AGPS: variants seen among roughly 807,000 people sequenced by gnomAD.
AGPS encodes alkyldihydroxyacetonephosphate synthase, peroxisomal.
AGPS carries 26 observed loss-of-function variants against 90.7 expected under a neutral mutation model. The ratio of observed to expected loss-of-function variants is 0.29; its 90% CI spans 0.21 to 0.40. AGPS has a LOEUF of 0.40. AGPS is among the 10% of genes least tolerant of loss of function. AGPS has a pLI of 1.00. For missense variants in AGPS, 540 were observed against 816.1 expected, an observed-to-expected ratio of 0.66 and a Z score of 4.12; for synonymous variants, 294 against 285.3, an observed-to-expected ratio of 1.03 and a Z score of -0.31.
intron 17 of AGPS, among the ~76,000 whole-genome samples, chr2:177,519,116 T>C (rs1689105991): frequency 6.6e-6 from 1 of 152,212 alleles, no homozygotes; most frequent in African/African-American, 2.4e-5. Flanking sequence ...GTTTTTCTTA[T>C]TCCTGATGTC....
chr2:177,466,983 G>A (rs931721649), intron 9 of AGPS, among the ~76,000 whole-genome samples: 5 of 152,286 alleles, frequency 3.3e-5, no homozygotes, highest in East Asian at 1.9e-4. Context: ...TCAGGAATGC[G>A]TGGCTTTTGC....
chr2:177,407,947 C>G (rs1220425872), intron 1 of AGPS, among the ~76,000 whole-genome samples: 1 of 151,926 alleles, frequency 6.6e-6, no homozygotes, highest in African/African-American at 2.4e-5. Context: ...TGCCACCATG[C>G]CTGGTTATTA....
intron 10 of AGPS, among the ~76,000 whole-genome samples, chr2:177,470,643 A>G (rs1262035795): frequency 6.6e-6 from 1 of 150,748 alleles, no homozygotes. Context: ...GGCAGAGATT[A>G]CAGACTGCAG....
chr2:177,437,973 G>A (rs1171434581), intron 5 of AGPS, among the ~76,000 whole-genome samples: 1 of 152,168 alleles, frequency 6.6e-6, no homozygotes, highest in Non-Finnish European at 1.5e-5. Flanking sequence ...TTTATGAAAT[G>A]TCTTTCATCT....
chr2:177,509,621 A>G (rs1358977451), intron 16 of AGPS, among the ~76,000 whole-genome samples: 1 of 150,500 alleles, frequency 6.6e-6, no homozygotes, highest in African/African-American at 2.4e-5. Context: ...AGCCGAGATC[A>G]TGTCACTGCA....
intron 14 of AGPS, among the ~76,000 whole-genome samples, chr2:177,505,056 C>T (rs1688669971): frequency 6.6e-6 from 1 of 151,976 alleles, no homozygotes; most frequent in East Asian, 1.9e-4. Context: ...TGTTTTGTCT[C>T]TCATTTAAAT....
intron 11 of AGPS, among the ~76,000 whole-genome samples, chr2:177,484,881 C>CA (rs758181532): frequency 2.0e-5 from 3 of 152,130 alleles, no homozygotes; most frequent in Non-Finnish European, 2.9e-5. Flanking sequence ...CCTACCACCT[C>CA]AGCTTCCTGA....
Position 177,440,956 on chromosome 2 carries a change from T to C in AGPS, c.638-9T>C, listed in dbSNP as rs1482407712. On this transcript the variant is annotated splice_polypyrimidine_tract_variant and intron_variant, in intron 5 of 19. Transcript: ENST00000264167. ...TCTGTAATTAATTTATTTTCCCTTT[T>C]TTCAACAGCATGCCATGATGATGTA... 6.2e-7 allele frequency: 1 copy of C among 1,611,486 alleles called. No homozygotes were observed. Among genetic ancestry groups the C allele is most frequent in the South Asian group, 1.1e-5 (1 of 90,964 alleles).
chr2:177,397,282 A>C (rs1362451627), intron 1 of AGPS, among the ~76,000 whole-genome samples: 1 of 152,070 alleles, frequency 6.6e-6, no homozygotes, highest in African/African-American at 2.4e-5. Flanking sequence ...CATTATTTGA[A>C]GTTGCTGAGC....
At chr2:177,501,538 C>G (rs2105713866) in intron 14 of AGPS, among the ~76,000 whole-genome samples, 1 of 152,258 alleles carries the variant, frequency 6.6e-6, no homozygotes. Context: ...AAAGTGAATA[C>G]TATATTTTCC....
intron 8 of AGPS, among the ~76,000 whole-genome samples, chr2:177,461,657 A>C (rs1403688296): frequency 1.3e-5 from 2 of 152,196 alleles, no homozygotes; most frequent in Admixed American, 1.3e-4. Context: ...TGAAAAATAG[A>C]ACTTCTTTTG....
At chr2:177,419,831 A>G (rs1685894371) in intron 1 of AGPS, among the ~76,000 whole-genome samples, 1 of 151,788 alleles carries the variant, frequency 6.6e-6, no homozygotes, top group Admixed American at 6.6e-5. Flanking sequence ...TACTTGGTAA[A>G]TTGGTCTTTT....
chr2:177,400,252 C>T, intron 1 of AGPS, among the ~76,000 whole-genome samples: 1 of 152,116 alleles, frequency 6.6e-6, no homozygotes, highest in African/African-American at 2.4e-5. Flanking sequence ...AGTGACCTTG[C>T]AGTGTTCACA....
At chr2:177,455,289 G>C (rs935669715) in intron 8 of AGPS, among the ~76,000 whole-genome samples, 2 of 152,004 alleles carry the variant, frequency 1.3e-5, no homozygotes, top group African/African-American at 4.8e-5. Flanking sequence ...TGATTGCCTT[G>C]ACTGAGCTCT....
At chr2:177,441,951 C>T (rs537864555) in intron 6 of AGPS, among the ~76,000 whole-genome samples, 1 of 152,212 alleles carries the variant, frequency 6.6e-6, no homozygotes, top group African/African-American at 2.4e-5. Flanking sequence ...TTTATTAAAG[C>T]TTTTTTGTAT....
chr2:177,401,547 A>ATT (rs765100790), intron 1 of AGPS, among the ~76,000 whole-genome samples: 8 of 140,584 alleles, frequency 5.7e-5, no homozygotes, highest in Non-Finnish European at 4.7e-5. Context: ...TTTAATTTTA[A>ATT]TTTTTTTTTT....
chr2:177,518,171 C>T (rs567649793), intron 17 of AGPS, among the ~76,000 whole-genome samples: 5 of 152,244 alleles, frequency 3.3e-5, no homozygotes, highest in South Asian at 2.1e-4. Context: ...CAGTGGCTCA[C>T]GCCTGTAATA....
chr2:177,425,435 A>G (rs1318083813), intron 2 of AGPS, among the ~76,000 whole-genome samples: 1 of 152,016 alleles, frequency 6.6e-6, no homozygotes, highest in African/African-American at 2.4e-5. Context: ...AGCCTGACCA[A>G]CATGGAGAAA....
intron 14 of AGPS, among the ~76,000 whole-genome samples, chr2:177,502,292 TA>T (rs1688581671): frequency 6.6e-6 from 1 of 152,220 alleles, no homozygotes; most frequent in Admixed American, 6.5e-5. Flanking sequence ...TAGTTATAAT[TA>T]ATTTCTTAAT....
Sources: allele counts gnomAD v4.1 joint callset (sites outside exome capture counted in the v4.1 genomes callset), GRCh38; gene constraint gnomAD v4.1.1; transcripts MANE v1.5; gene names NCBI Gene and HGNC (gene_info 2026-07-23, HGNC 2026-07-21).